Variants in CCDC194 observed in about 807,000 individuals in gnomAD.
CCDC194 encodes the protein coiled-coil domain containing 194.
Under a neutral mutation model 4.9 loss-of-function variants are expected in CCDC194, and 8 were observed. That is an observed-to-expected ratio of 1.65 (90% CI 0.97 to 2.97). CCDC194 has a LOEUF of 2.97. CCDC194 is among the 30% of genes most tolerant of loss of function. The pLI, the probability that CCDC194 is intolerant of heterozygous loss-of-function variation, is 0.00. For synonymous variants in CCDC194, 13 were observed against 17.0 expected (o/e 0.76, Z 0.58); for missense variants, 52 against 43.1 (o/e 1.21, Z -0.58).
downstream of CCDC194, among the ~76,000 whole-genome samples, chr19:17,390,027 T>C (rs1337175982): frequency 6.6e-6 from 1 of 152,182 alleles, no homozygotes; most frequent in Admixed American, 6.6e-5. This position sits in a 1 kb window ranked among gnomAD's most constrained non-coding sequence, Gnocchi z 5.5. Flanking sequence ...TCTGGGAGTT[T>C]TGTACCCTTC....
chr19:17,391,310 T>A, exon 3 of CCDC194: 2 of 428,614 alleles, frequency 4.7e-6, no homozygotes, highest in East Asian at 3.6e-5. Context: ...CCGCGTAGAC[T>A]CCGTGGCCGC....
downstream of CCDC194, among the ~76,000 whole-genome samples, chr19:17,387,199 A>G (rs2074639000): frequency 6.6e-6 from 1 of 152,186 alleles, no homozygotes; most frequent in African/African-American, 2.4e-5. Context: ...CAGCCCAGAC[A>G]TTTTTAAAAA....
chr19:17,391,905 G>T, intron 1 of CCDC194, 59 bp from the exon 2 acceptor site: 5 of 1,421,790 alleles, frequency 3.5e-6, no homozygotes, highest in Non-Finnish European at 4.6e-6. Flanking sequence ...GAGTGATTCG[G>T]CCTGGCCCTT....
chr19:17,393,588 C>T (rs1399737029), intron 1 of CCDC194, among the ~76,000 whole-genome samples: 4 of 151,934 alleles, frequency 2.6e-5, no homozygotes, highest in Non-Finnish European at 5.9e-5. Flanking sequence ...AGGGTTTCAC[C>T]ATATTGGCCA....
exon 2 of CCDC194, chr19:17,391,758 G>A: frequency 1.3e-6 from 2 of 1,535,602 alleles, no homozygotes; most frequent in Non-Finnish European, 1.7e-6. Context: ...ACCTGTCAGC[G>A]CCCCGTTCTC....
rs2074650795 is a variant in CCDC194 at position 17,390,656 on chromosome 19, G to T, written c.558C>A (p.Asn186Lys). ...GTGGGCTCATCTCGGCTTCCAGGAC[G>T]TTACTGCCGGGAAGGGGGAAGGGGG... Residue 186 changes from asparagine to lysine, a missense_variant, in exon 4 of 4, where the codon AAC becomes AAA. Transcript: ENST00000636079. The surrounding 1 kb of genome is among the most constrained non-coding windows in gnomAD (Gnocchi z 5.5). 5.0e-6 allele frequency: 2 copies of T among 397,980 alleles called. No individual in the cohort carries two copies. Among genetic ancestry groups the T allele is most frequent in the South Asian group, 1.3e-4 (1 of 7,854 alleles). The allele number at this position is 397,980 out of a possible 1,614,324, so 24.7% of individuals were successfully genotyped here.
At chr19:17,391,815 T>G in exon 2 of CCDC194, 1 of 1,535,028 alleles carries the variant, frequency 6.5e-7, no homozygotes, top group South Asian at 1.2e-5. Flanking sequence ...CATCTCAATC[T>G]TCAGTGTCGT....
chr19:17,391,378 T>TCCCCCCCCCCCCC, intron 2 of CCDC194, 35 bp from the exon 3 acceptor site: 2 of 501,584 alleles, frequency 4.0e-6, no homozygotes, highest in East Asian at 3.5e-5. Flanking sequence ...GGCTGGAGAC[T>TCCCCCCCCCCCCC]CCCGCGCCCA....
At chr19:17,390,461 C>A (rs1267412802), downstream of CCDC194, 6 of 391,682 alleles carry the variant, frequency 1.5e-5, no homozygotes, top group Admixed American at 1.3e-4. This position sits in a 1 kb window ranked among gnomAD's most constrained non-coding sequence, Gnocchi z 5.5. Flanking sequence ...AGACCCCCCC[C>A]CCATATGTGT....
chr19:17,391,957 C>T, intron 1 of CCDC194, 111 bp from the exon 2 acceptor site: 1 of 1,038,572 alleles, frequency 9.6e-7, no homozygotes, highest in Non-Finnish European at 1.3e-6. Context: ...GTGTCCTGAG[C>T]TTTGTGTGGA....
downstream of CCDC194, among the ~76,000 whole-genome samples, chr19:17,389,041 T>C (rs1315786155): frequency 1.3e-5 from 2 of 152,138 alleles, no homozygotes; most frequent in Non-Finnish European, 2.9e-5. Flanking sequence ...GTTCTTGCTA[T>C]GGTGCCCAGG....
chr19:17,389,329 A>C (rs1346252492), downstream of CCDC194, among the ~76,000 whole-genome samples: 4 of 152,252 alleles, frequency 2.6e-5, no homozygotes, highest in Non-Finnish European at 5.9e-5. Flanking sequence ...TAGAAAAACA[A>C]GAAAACCCAC....
In CCDC194 at chr19:17,390,602, G is replaced by C; in HGVS notation, c.612C>G (p.Arg204=). The change falls in exon 4 of 4, where the codon CGC becomes CGG. Residue 204 remains arginine, a synonymous_variant. Coordinates refer to ENST00000636079, the Ensembl canonical transcript of CCDC194. This position sits in a 1 kb window ranked among gnomAD's most constrained non-coding sequence, Gnocchi z 5.5. The stretch of plus-strand genomic sequence containing the variant: ...GGCTGGGCCGGGGTCGGGACCCCGA[G>C]CGGGGACGCGGCCGGGGCACTCTGC... 2.5e-6 allele frequency: 1 copy of C among 397,926 alleles called. No homozygotes were observed. Among genetic ancestry groups the C allele is most frequent in the East Asian group, 3.6e-5 (1 of 28,032 alleles). The allele number at this position is 397,926 out of a possible 1,614,324, so 24.6% of individuals were successfully genotyped here. A position where few individuals can be genotyped will look rare whatever the true frequency, so the allele number is the denominator to read the frequency against.
At chr19:17,391,654 T>G (rs1481112590) in intron 2 of CCDC194, 96 bp downstream of exon 2, 1 of 1,534,540 alleles carries the variant, frequency 6.5e-7, no homozygotes. Context: ...CCGTGTTATT[T>G]GCATTACGTT....
downstream of CCDC194, among the ~76,000 whole-genome samples, chr19:17,389,416 T>C (rs186643696): frequency 2.2e-3 from 331 of 152,298 alleles, 2 homozygotes; most frequent in South Asian, 3.1e-3. Context: ...AACAGCTCTT[T>C]CTTGTGATTC....
chr19:17,392,194 C>T (rs149996714), intron 1 of CCDC194: 4,103 of 184,418 alleles, frequency 0.022, 73 homozygotes, highest in South Asian at 0.039. Flanking sequence ...CAAAGTTAGC[C>T]GGGCGTCGTG....
rs765219703 is a variant in CCDC194 at position 17,390,619 on chromosome 19, G to A, written c.595C>T (p.Pro199Ser). Reference sequence around the variant, plus strand: ...GACCCCGAGCGGGGACGCGGCCGGGGCACTCTGCGCTGTGGGCTCATCTCG... The same window carrying A: ...GACCCCGAGCGGGGACGCGGCCGGGACACTCTGCGCTGTGGGCTCATCTCG... Residue 199 changes from proline (P) to serine (S), a missense_variant, in exon 4 of 4, where the codon CCC becomes TCC. By Grantham distance (74) the Pro-to-Ser change is moderately conservative. Transcript: ENST00000636079. The surrounding 1 kb of genome is among the most constrained non-coding windows in gnomAD (Gnocchi z 5.5). 5.0e-6 allele frequency: 2 copies of A among 397,842 alleles called. No individual in the cohort carries two copies. Among genetic ancestry groups the A allele is most frequent in the Non-Finnish European group, 8.9e-6 (2 of 225,632 alleles). The allele number at this position is 397,842 out of a possible 1,614,324, so 24.6% of individuals were successfully genotyped here.
chr19:17,393,093 T>C (rs1241506953), intron 1 of CCDC194, among the ~76,000 whole-genome samples: 1 of 152,010 alleles, frequency 6.6e-6, no homozygotes, highest in East Asian at 1.9e-4. Flanking sequence ...TAAATGGAAA[T>C]GGCTGGGATT....
At position 17,390,701 on chromosome 19, in the gene CCDC194, T is replaced by A; in HGVS notation, c.555-42A>T. 2.5e-6 allele frequency: 1 copy of A among 396,712 alleles called. No homozygotes were observed. The highest frequency in any genetic ancestry group is 4.4e-6 in the Non-Finnish European group (1 of 224,766). 24.6% of individuals were successfully genotyped at this position (396,712 alleles called of 1,614,324 possible). On this transcript the variant is annotated intron_variant, in intron 3 of 3. Coordinates refer to ENST00000636079, the Ensembl canonical transcript of CCDC194. The surrounding 1 kb of genome is among the most constrained non-coding windows in gnomAD (Gnocchi z 5.5). ...AGGGGGCTGTCAGCCTCTGGACCCCTGTCCCCAGACATCGCCAGCCCTCAT... is the reference window on the plus strand; with the variant it reads ...AGGGGGCTGTCAGCCTCTGGACCCCAGTCCCCAGACATCGCCAGCCCTCAT...
Sources: gnomAD v4.1 joint callset for allele counts (sites outside exome capture counted in the v4.1 genomes callset) on GRCh38, gnomAD v4.1.1 for gene constraint, Gnocchi (gnomAD v3.1) non-coding constraint, MANE v1.5 for transcripts, NCBI Gene and HGNC (gene_info 2026-07-23, HGNC 2026-07-21) for gene names.